CLUAP1: variants seen among roughly 807,000 people sequenced by gnomAD.
CLUAP1 encodes clusterin-associated protein 1.
A neutral mutation model predicts 55.0 loss-of-function variants in CLUAP1; 50 were observed. The observed-to-expected ratio is 0.91, with a 90% confidence interval of 0.72 to 1.15. CLUAP1 has a LOEUF of 1.15. Ranked by LOEUF, CLUAP1 falls within the 50% of genes most tolerant of loss-of-function variation. The probability of loss-of-function intolerance (pLI) is 0.00; values close to 1 mark genes in which losing one functional copy is unlikely to be tolerated. For missense variants in CLUAP1, 530 were observed against 507.6 expected (o/e 1.04, Z -0.42); for synonymous variants, 195 against 175.4 (o/e 1.11, Z -0.88).
chr16:3,530,747 A>C, intron 10 of CLUAP1, 72 bp downstream of exon 10: 1 of 1,220,714 alleles, frequency 8.2e-7, no homozygotes, highest in Non-Finnish European at 1.2e-6. Flanking sequence ...GGACTGGGGC[A>C]GGCTGCTTAG....
chr16:3,510,546 G>A (rs1269475563), intron 4 of CLUAP1, among the ~76,000 whole-genome samples: 1 of 152,224 alleles, frequency 6.6e-6, no homozygotes, highest in African/African-American at 2.4e-5. Context: ...TTGAGAGTAA[G>A]TCAGGTGCTA....
At chr16:3,523,362 A>G in intron 8 of CLUAP1, 63 bp downstream of exon 8, 1 of 1,513,332 alleles carries the variant, frequency 6.6e-7, no homozygotes, top group Non-Finnish European at 8.8e-7. Context: ...ACTGGGTGAC[A>G]GGTCATTTTG....
At chr16:3,501,679 G>A in intron 1 of CLUAP1, among the ~76,000 whole-genome samples, 1 of 152,116 alleles carries the variant, frequency 6.6e-6, no homozygotes, top group South Asian at 2.1e-4. Context: ...CTACTCGGGA[G>A]TCTGAAGCAG....
At chr16:3,507,583 CATT>C (rs1243284861) in intron 3 of CLUAP1, among the ~76,000 whole-genome samples, 1 of 149,570 alleles carries the variant, frequency 6.7e-6, no homozygotes, top group Non-Finnish European at 1.5e-5. Flanking sequence ...AAATTAAAAA[CATT>C]ATGAAACAAA....
At position 3,520,056 on chromosome 16, in the gene CLUAP1, G is replaced by C; in HGVS notation, c.713+20G>C. The C allele has an allele frequency of 1.3e-6, 2 of 1,591,132 alleles. No individual in the cohort carries two copies. The highest frequency in any genetic ancestry group is 1.7e-6 in the Non-Finnish European group (2 of 1,172,352). The stretch of plus-strand genomic sequence containing the variant: ...TGTCAGGTAGATATGAACACTTGGA[G>C]AATGAGTAGAAAGATGTCCTGGAAA... On this transcript the variant is annotated intron_variant, in intron 7 of 11. Coordinates refer to ENST00000576634, the MANE Select transcript of CLUAP1 (RefSeq NM_015041.3).
intron 8 of CLUAP1, among the ~76,000 whole-genome samples, chr16:3,523,901 G>A (rs763944467): frequency 3.3e-5 from 5 of 152,298 alleles, no homozygotes; most frequent in Middle Eastern, 3.4e-3. Context: ...GGGAGGAAGA[G>A]GTTGCAGTGA....
Position 3,537,074 on chromosome 16 carries a change from G to T in CLUAP1, c.*803G>T, listed in dbSNP as rs560593619. On this transcript the variant is annotated 3_prime_UTR_variant, in exon 12 of 12. Coordinates refer to ENST00000576634, the MANE Select transcript of CLUAP1 (RefSeq NM_015041.3). ...AGACTCCCATGGCAATGACAGCCGG[G>T]ACACTTTTCTTCCCTCCAGCCAGGG... The T allele has an allele frequency of 2.6e-5, 4 of 152,366 alleles. No individual in the cohort carries two copies. The South Asian group carries it at 6.2e-4, about 24-fold the overall frequency. 9.4% of individuals were successfully genotyped at this position (152,366 alleles called of 1,614,324 possible).
intron 5 of CLUAP1, 120 bp downstream of exon 5, chr16:3,512,598 G>A: frequency 2.8e-6 from 2 of 707,142 alleles, no homozygotes; most frequent in South Asian, 3.7e-5. Context: ...ATGAGCTAAT[G>A]TGTGGAAAGG....
Position 3,536,273 on chromosome 16 carries a change from C to G in CLUAP1, c.*2C>G, listed in dbSNP as rs145278481. ...GATGAGAGTGACAATGACTTCTGAC[C>G]CTTTTGCCAAGGGACCCTGGCAGAT... On this transcript the variant is annotated 3_prime_UTR_variant, in exon 12 of 12. Transcript: ENST00000576634. 41 of 1,613,554 alleles carry G rather than the reference C, an allele frequency of 2.5e-5. No individual in the cohort carries two copies. The African/African-American group carries it at 4.7e-4, about 18-fold the overall frequency.
At chr16:3,509,205 T>C (rs1196321893) in intron 4 of CLUAP1, among the ~76,000 whole-genome samples, 1 of 152,132 alleles carries the variant, frequency 6.6e-6, no homozygotes, top group Non-Finnish European at 1.5e-5. Context: ...GCCATGTTCA[T>C]GGCACTGCGC....
intron 10 of CLUAP1, among the ~76,000 whole-genome samples, chr16:3,532,454 G>A (rs1022651872): frequency 2.3e-4 from 24 of 104,820 alleles, no homozygotes; most frequent in Non-Finnish European, 3.6e-4. Context: ...TCATTCTGTC[G>A]TTCACGCTAG....
intron 10 of CLUAP1, among the ~76,000 whole-genome samples, chr16:3,532,266 T>G (rs746035667): frequency 1.3e-5 from 2 of 152,196 alleles, no homozygotes; most frequent in African/African-American, 2.4e-5. Flanking sequence ...TCTGCATATC[T>G]TTAGGTTGCA....
rs1555496532 is a variant in CLUAP1 at position 3,536,353 on chromosome 16, CCT to C, written c.*83_*84del. On this transcript the variant is annotated 3_prime_UTR_variant, in exon 12 of 12. Coordinates refer to ENST00000576634, the MANE Select transcript of CLUAP1 (RefSeq NM_015041.3). ...AACTTAGAAGGTTAGGAAGGTAACC[CCT>C]GTTTTGTTTACTAAGCTGGCTGGAC... The C allele has an allele frequency of 1.4e-6, 2 of 1,478,356 alleles. No individual in the cohort carries two copies. Among genetic ancestry groups the C allele is most frequent in the Middle Eastern group, 1.9e-4 (1 of 5,160 alleles). The allele number at this position is 1,478,356 out of a possible 1,614,324, so 91.6% of individuals were successfully genotyped here. A position where few individuals can be genotyped will look rare whatever the true frequency, so the allele number is the denominator to read the frequency against.
intron 4 of CLUAP1, among the ~76,000 whole-genome samples, chr16:3,511,752 T>G (rs1031708642): frequency 3.9e-5 from 6 of 152,238 alleles, no homozygotes; most frequent in African/African-American, 9.6e-5. Context: ...AATTGGTCTC[T>G]TTAGTACTTA....
chr16:3,529,650 TTATTATA>T (rs1465597833), intron 9 of CLUAP1, among the ~76,000 whole-genome samples: 4 of 13,220 alleles, frequency 3.0e-4, no homozygotes, highest in Non-Finnish European at 4.0e-4. Flanking sequence ...ATATTATATA[TTATTATA>T]TATTATATAT....
intron 9 of CLUAP1, among the ~76,000 whole-genome samples, chr16:3,529,131 T>C (rs1319589020): frequency 6.6e-6 from 1 of 151,888 alleles, no homozygotes; most frequent in Non-Finnish European, 1.5e-5. Context: ...ATGTAACCTA[T>C]GCACATCCTC....
chr16:3,525,421 C>T (rs569461983), intron 8 of CLUAP1, among the ~76,000 whole-genome samples: 6 of 152,232 alleles, frequency 3.9e-5, no homozygotes, highest in South Asian at 4.1e-4. Context: ...TACTCACTCT[C>T]GCTCTCTGTC....
At chr16:3,500,190 C>G (rs918711464), upstream of CLUAP1, among the ~76,000 whole-genome samples, 1 of 152,136 alleles carries the variant, frequency 6.6e-6, no homozygotes, top group Non-Finnish European at 1.5e-5. Context: ...GCGCGAGCGG[C>G]TCAGGGCCCC....
At chr16:3,518,832 G>C (rs150408592) in intron 6 of CLUAP1, among the ~76,000 whole-genome samples, 22 of 152,302 alleles carry the variant, frequency 1.4e-4, no homozygotes, top group African/African-American at 4.8e-4. Context: ...CCTGAGAGTT[G>C]TGGAGAGTGT....
Sources: gnomAD v4.1 joint callset for allele counts (sites outside exome capture counted in the v4.1 genomes callset) on GRCh38, gnomAD v4.1.1 for gene constraint, MANE v1.5 for transcripts, NCBI Gene and HGNC (gene_info 2026-07-23, HGNC 2026-07-21) for gene names.